Variants in ANKRD36 observed in about 807,000 individuals in gnomAD.
ANKRD36 encodes the protein ankyrin repeat domain-containing protein 36A.
In ANKRD36, 179 loss-of-function variants were observed where a neutral mutation model predicts 278.1. The observed-to-expected ratio is 0.64, with a 90% confidence interval of 0.57 to 0.73. The LOEUF is 0.73. Ranked by LOEUF, ANKRD36 falls within the 30% of genes least tolerant of loss-of-function variation. ANKRD36 has a pLI of 0.00. For synonymous variants in ANKRD36, 320 were observed against 641.1 expected, an observed-to-expected ratio of 0.50 and a Z score of 7.57; for missense variants, 1,159 against 1,956.7, an observed-to-expected ratio of 0.59 and a Z score of 7.69.
chr2:97,226,078 A>G (rs1174225143), intron 67 of ANKRD36, among the ~76,000 whole-genome samples: 3 of 151,794 alleles, frequency 2.0e-5, no homozygotes, highest in African/African-American at 7.3e-5. Flanking sequence ...TAGTGCCGCA[A>G]AAACATATGT....
Position 97,192,999 on chromosome 2 carries a change from G to A in ANKRD36, c.2395G>A (p.Gly799Ser), listed in dbSNP as rs1485368504. The change falls in exon 38 of 76, where the codon GGT becomes AGT. Residue 799 changes from glycine (G) to serine (S), a missense_variant. Transcript: ENST00000420699. ...CATTCAGGCTACAAGTGACGAGGAA[G>A]GTTCTGTTTTGAGTATAGCCAGAGA... ...PALTATSDEE[G>S]SVLSIARENK... 24 of 1,579,164 alleles carry A rather than the reference G, an allele frequency of 1.5e-5. No individual in the cohort carries two copies. Among genetic ancestry groups the A allele is most frequent in the Non-Finnish European group, 2.0e-5 (23 of 1,162,524 alleles).
At chr2:97,215,581 T>C (rs1453415091) in intron 62 of ANKRD36, 84 bp downstream of exon 62, 3 of 1,579,950 alleles carry the variant, frequency 1.9e-6, no homozygotes, top group East Asian at 2.4e-5. Context: ...GGGGGGTTCA[T>C]TGAAGTTTTA....
chr2:97,203,368 TTGA>T (rs1194594436), intron 48 of ANKRD36, among the ~76,000 whole-genome samples: 4 of 151,858 alleles, frequency 2.6e-5, no homozygotes, highest in Admixed American at 2.6e-4. Flanking sequence ...AATTTGATAA[TTGA>T]TGATATTTTT....
chr2:97,133,164 A>G (rs1030589825), intron 6 of ANKRD36, among the ~76,000 whole-genome samples: 2 of 152,072 alleles, frequency 1.3e-5, no homozygotes, highest in Admixed American at 1.3e-4. Context: ...TATGACTGTT[A>G]TATGCATTAT....
intron 48 of ANKRD36, among the ~76,000 whole-genome samples, chr2:97,202,658 C>G (rs2061709754): frequency 6.6e-6 from 1 of 151,808 alleles, no homozygotes; most frequent in Non-Finnish European, 1.5e-5. Flanking sequence ...CTCTGGGGAA[C>G]AGCATAGTTT....
intron 20 of ANKRD36, 61 bp downstream of exon 20, chr2:97,164,530 A>G: frequency 2.0e-6 from 3 of 1,505,342 alleles, no homozygotes; most frequent in East Asian, 2.5e-5. Context: ...GAAAATGCTC[A>G]TAGTTTTTTG....
rs1268355894 is a variant in ANKRD36 at position 97,140,550 on chromosome 2, T to TA, written c.800-2088dup. ...ATGATGGGAAAGCATAGAGACAAAA[T>TA]AAGAGACGATAGATACTCAAACCAA... is the stretch of plus-strand genomic sequence containing the variant. On this transcript the variant is annotated intron_variant, in intron 6 of 75. Coordinates refer to ENST00000420699, the MANE Select transcript of ANKRD36 (RefSeq NM_001354587.1). 3.3e-5 allele frequency among the ~76,000 whole-genome samples: 5 copies of TA among 151,860 alleles called. No homozygotes were observed. In the East Asian group the frequency reaches 9.7e-4, roughly 29 times the overall value.
At chr2:97,117,624 T>C (rs2035840655) in intron 1 of ANKRD36, among the ~76,000 whole-genome samples, 1 of 152,112 alleles carries the variant, frequency 6.6e-6, no homozygotes, top group South Asian at 2.1e-4. Context: ...TACCTCAATG[T>C]AGATATGATT....
At chr2:97,138,201 G>T (rs1233823408) in intron 6 of ANKRD36, among the ~76,000 whole-genome samples, 3 of 152,066 alleles carry the variant, frequency 2.0e-5, no homozygotes, top group African/African-American at 2.4e-5. Flanking sequence ...AAAACAAATT[G>T]TCTCAGCCCC....
chr2:97,139,848 T>G (rs1243740549), intron 6 of ANKRD36, among the ~76,000 whole-genome samples: 1 of 152,026 alleles, frequency 6.6e-6, no homozygotes, highest in East Asian at 1.9e-4. Flanking sequence ...AAGTGTTACT[T>G]GTCCTCTTGG....
intron 67 of ANKRD36, among the ~76,000 whole-genome samples, chr2:97,226,673 T>C (rs1452556979): frequency 6.6e-6 from 1 of 151,958 alleles, no homozygotes; most frequent in Admixed American, 6.6e-5. Flanking sequence ...CCATTGCTTT[T>C]GGTGTTTTAG....
At chr2:97,195,723 C>G (rs1439979985) in intron 40 of ANKRD36, among the ~76,000 whole-genome samples, 3 of 151,954 alleles carry the variant, frequency 2.0e-5, no homozygotes, top group Non-Finnish European at 2.9e-5. Flanking sequence ...TAGAAAATAA[C>G]ATGATACTGC....
Position 97,151,455 on chromosome 2 carries a change from A to G in ANKRD36, c.1102-424A>G, listed in dbSNP as rs141758197. Among the ~76,000 whole-genome samples the G allele has an allele frequency of 3.5e-3, 538 of 152,362 alleles. No individual in the cohort carries two copies. In the East Asian group the frequency reaches 0.054, roughly 15 times the overall value. On this transcript the variant is annotated intron_variant, in intron 12 of 75. Transcript: ENST00000420699. Reference sequence around the variant, plus strand: ...TAGTACTACTAAAAACTACATTCTCACATTTTTTCCCACAGAAAGTAATTC... The same window carrying G: ...TAGTACTACTAAAAACTACATTCTCGCATTTTTTCCCACAGAAAGTAATTC...
rs2058456186 is a variant in ANKRD36, at chr2:97,191,256, C to T, written c.2347+75C>T. Reference sequence around the variant, plus strand: ...AATTTCTCTTTCCTGAATGAATTGGCCTGGGGCTCGTCGAAGCTGCACATT... The same window carrying T: ...AATTTCTCTTTCCTGAATGAATTGGTCTGGGGCTCGTCGAAGCTGCACATT... On this transcript the variant is annotated intron_variant, in intron 36 of 75. Transcript: ENST00000420699. 26 of 1,430,518 alleles carry T rather than the reference C, an allele frequency of 1.8e-5. 2 individuals are homozygous for T. The South Asian group carries it at 3.3e-4, about 18-fold the overall frequency. The allele number at this position is 1,430,518 out of a possible 1,614,324, so 88.6% of individuals were successfully genotyped here.
At chr2:97,228,171 C>T (rs2070574706) in intron 67 of ANKRD36, among the ~76,000 whole-genome samples, 1 of 152,080 alleles carries the variant, frequency 6.6e-6, no homozygotes, top group Admixed American at 6.5e-5. Context: ...AGGGAGGGTT[C>T]CCTCTTTTTC....
chr2:97,169,649 A>G (rs980528688), intron 22 of ANKRD36, among the ~76,000 whole-genome samples: 1 of 152,148 alleles, frequency 6.6e-6, no homozygotes, highest in Non-Finnish European at 1.5e-5. Flanking sequence ...TAAAAGACAA[A>G]TAGCAAAATC....
Position 97,209,789 on chromosome 2 carries a change from A to T in ANKRD36, c.3295-11A>T. On this transcript the variant is annotated splice_polypyrimidine_tract_variant and intron_variant, in intron 55 of 75. Coordinates refer to ENST00000420699, the MANE Select transcript of ANKRD36 (RefSeq NM_001354587.1). ...TACCTTACTTATTATTTCATTTCAA[A>T]TTCCATTCAGGCTACAAGTGACGAG... The T allele has an allele frequency of 6.2e-7, 1 of 1,600,092 alleles. No homozygotes were observed. The highest frequency in any genetic ancestry group is 8.5e-7 in the Non-Finnish European group (1 of 1,175,584).
chr2:97,143,358 A>G (rs1208794644), intron 8 of ANKRD36, among the ~76,000 whole-genome samples: 3 of 151,960 alleles, frequency 2.0e-5, no homozygotes, highest in African/African-American at 4.8e-5. Flanking sequence ...TGCTGCAGAA[A>G]CCTGATGGGA....
At chr2:97,188,389 A>G (rs2153560120) in intron 32 of ANKRD36, among the ~76,000 whole-genome samples, 1 of 151,720 alleles carries the variant, frequency 6.6e-6, no homozygotes, top group Middle Eastern at 3.4e-3. Context: ...TTGATAATTG[A>G]TGATATTTTT....
Sources: allele counts gnomAD v4.1 joint callset (sites outside exome capture counted in the v4.1 genomes callset), GRCh38; gene constraint gnomAD v4.1.1; transcripts MANE v1.5; gene names NCBI Gene and HGNC (gene_info 2026-07-23, HGNC 2026-07-21).